Variants in CDH8 observed in about 807,000 individuals in gnomAD.
The protein encoded by CDH8 is cadherin-8.
In CDH8, 17 loss-of-function variants were observed where a neutral mutation model predicts 68.1. That is an observed-to-expected ratio of 0.25 (90% CI 0.17 to 0.37). The LOEUF (loss-of-function observed/expected upper bound fraction) is 0.37, where lower values mean the gene tolerates loss of function less well. CDH8 is among the 10% of genes least tolerant of loss of function. The pLI, the probability that CDH8 is intolerant of heterozygous loss-of-function variation, is 1.00. For missense variants in CDH8, 763 were observed against 999.3 expected, an observed-to-expected ratio of 0.76 and a Z score of 3.19; for synonymous variants, 372 against 365.1, an observed-to-expected ratio of 1.02 and a Z score of -0.21.
At position 61,857,149 on chromosome 16, in the gene CDH8, G is replaced by T; in HGVS notation, c.637C>A (p.Gln213Lys). 6.2e-7 allele frequency: 1 copy of T among 1,613,582 alleles called. No homozygotes were observed. The highest frequency in any genetic ancestry group is 8.5e-7 in the Non-Finnish European group (1 of 1,179,630). The change falls in exon 4 of 12, where the codon CAG (glutamine) becomes AAG (lysine). Residue 213 changes from glutamine to lysine, a missense_variant. This residue lies in a region of CDH8 where 366 missense variants were observed against 563.1 expected (regional missense o/e 0.65). Coordinates refer to ENST00000577390, the MANE Select transcript of CDH8 (RefSeq NM_001796.5). ...TCAGGCTCAATGGAAAAATAAGGCTGCCCTTCCAATATACTATAAACCAAC... is the reference window on the plus strand; with the variant it reads ...TCAGGCTCAATGGAAAAATAAGGCTTCCCTTCCAATATACTATAAACCAAC... ...AKLVYSILEG[Q>K]PYFSIEPETA...
At chr16:61,691,036 C>G (rs1173326152) in intron 10 of CDH8, among the ~76,000 whole-genome samples, 1 of 152,014 alleles carries the variant, frequency 6.6e-6, no homozygotes, top group Non-Finnish European at 1.5e-5. Context: ...GTATATCTGG[C>G]TGTCTAGCCA....
intron 8 of CDH8, among the ~76,000 whole-genome samples, chr16:61,751,007 G>A (rs1307089766): frequency 6.6e-6 from 1 of 151,944 alleles, no homozygotes; most frequent in Non-Finnish European, 1.5e-5. Context: ...GAATAACAAT[G>A]AGTACAGTTT....
chr16:61,885,680 C>T (rs781324593), intron 3 of CDH8, among the ~76,000 whole-genome samples: 1 of 143,004 alleles, frequency 7.0e-6, no homozygotes, highest in Non-Finnish European at 1.5e-5. Context: ...ATGGTAACAG[C>T]AGCTCTAATA....
chr16:61,763,917 C>A (rs1960527861), intron 8 of CDH8, among the ~76,000 whole-genome samples: 1 of 152,084 alleles, frequency 6.6e-6, no homozygotes, highest in Non-Finnish European at 1.5e-5. Flanking sequence ...GGCATACATT[C>A]ATTAATAATA....
intron 8 of CDH8, among the ~76,000 whole-genome samples, chr16:61,756,835 G>A (rs1465949567): frequency 6.6e-6 from 1 of 152,064 alleles, no homozygotes; most frequent in Non-Finnish European, 1.5e-5. Flanking sequence ...GATTCTCACT[G>A]TCCTAGAAGT....
rs377482212 is a variant in CDH8, at chr16:61,694,487, G to C, written c.1654+19354C>G. ...GGGGTGATGGAGTTTAGTCATATTG[G>C]GGGTGATGGGGTTTGGTCATATTAG... On this transcript the variant is annotated intron_variant, in intron 10 of 11. Coordinates refer to ENST00000577390, the MANE Select transcript of CDH8 (RefSeq NM_001796.5). 2.6e-3 allele frequency among the ~76,000 whole-genome samples: 396 copies of C among 152,198 alleles called. 4 individuals carry two copies. Among genetic ancestry groups the C allele is most frequent in the African/African-American group, 9.2e-3 (383 of 41,522 alleles).
At chr16:61,703,607 G>A (rs1350536705) in intron 10 of CDH8, among the ~76,000 whole-genome samples, 3 of 152,124 alleles carry the variant, frequency 2.0e-5, no homozygotes, top group Admixed American at 6.6e-5. Context: ...TTGGGAGGCC[G>A]AGGCGCATGG....
intron 3 of CDH8, among the ~76,000 whole-genome samples, chr16:61,881,173 T>G (rs2143128493): frequency 6.6e-6 from 1 of 152,298 alleles, no homozygotes; most frequent in Admixed American, 6.5e-5. Flanking sequence ...CCTACATAAC[T>G]ATGAGATAAT....
At chr16:61,958,229 C>T (rs1305207122) in intron 2 of CDH8, among the ~76,000 whole-genome samples, 1 of 152,052 alleles carries the variant, frequency 6.6e-6, no homozygotes, top group East Asian at 1.9e-4. Context: ...CCTAGGTGGA[C>T]CATCTGGGGT....
At chr16:61,968,169 T>A (rs1965284891) in intron 2 of CDH8, among the ~76,000 whole-genome samples, 1 of 152,182 alleles carries the variant, frequency 6.6e-6, no homozygotes, top group African/African-American at 2.4e-5. Flanking sequence ...GGAGGGTAGT[T>A]TTATGCAAAT....
intron 10 of CDH8, among the ~76,000 whole-genome samples, chr16:61,696,580 C>A (rs995889901): frequency 6.6e-6 from 1 of 152,128 alleles, no homozygotes; most frequent in Non-Finnish European, 1.5e-5. Flanking sequence ...AACAGAACTA[C>A]CATTTGACCC....
intron 8 of CDH8, among the ~76,000 whole-genome samples, chr16:61,728,160 G>A (rs1261288539): frequency 1.3e-5 from 2 of 150,822 alleles, no homozygotes; most frequent in African/African-American, 4.8e-5. Flanking sequence ...GGGAAAAAAT[G>A]TTTGGCTTTG....
intron 3 of CDH8, among the ~76,000 whole-genome samples, chr16:61,873,610 C>T (rs1044457989): frequency 2.6e-5 from 4 of 152,156 alleles, no homozygotes; most frequent in Non-Finnish European, 4.4e-5. Context: ...GGTGGGAAAG[C>T]GATCTGCAGT....
chr16:61,787,136 C>T (rs1324483139), intron 8 of CDH8, among the ~76,000 whole-genome samples: 2 of 151,642 alleles, frequency 1.3e-5, no homozygotes, highest in Admixed American at 6.6e-5. Context: ...AAGAAACTAC[C>T]ATCAGAGTGA....
chr16:61,744,876 T>A (rs151123135), intron 8 of CDH8, among the ~76,000 whole-genome samples: 6 of 151,576 alleles, frequency 4.0e-5, no homozygotes, highest in Non-Finnish European at 7.4e-5. Context: ...ATTTTTGTTA[T>A]GTATTTTAAT....
At chr16:61,959,209 C>G (rs1965036050) in intron 2 of CDH8, among the ~76,000 whole-genome samples, 1 of 152,138 alleles carries the variant, frequency 6.6e-6, no homozygotes, top group African/African-American at 2.4e-5. Flanking sequence ...AGGCCAGGCT[C>G]TACTATACTT....
At chr16:61,959,733 C>A (rs1266357589) in intron 2 of CDH8, among the ~76,000 whole-genome samples, 1 of 150,164 alleles carries the variant, frequency 6.7e-6, no homozygotes, top group Admixed American at 6.7e-5. Context: ...TATACACACA[C>A]ATATGTATGA....
At chr16:62,023,789 C>A (rs1902131417) in intron 1 of CDH8, among the ~76,000 whole-genome samples, 1 of 152,158 alleles carries the variant, frequency 6.6e-6, no homozygotes, top group Admixed American at 6.6e-5. Flanking sequence ...CATGGAGGCT[C>A]AGCCTAAACT....
At chr16:61,927,050 C>A (rs917117334) in intron 2 of CDH8, among the ~76,000 whole-genome samples, 1 of 152,028 alleles carries the variant, frequency 6.6e-6, no homozygotes, top group Non-Finnish European at 1.5e-5. Context: ...CTCCTTTTTT[C>A]ATTTTGCCTT....
Sources: allele counts gnomAD v4.1 joint callset (sites outside exome capture counted in the v4.1 genomes callset), GRCh38; gene constraint gnomAD v4.1.1; regional missense constraint gnomAD v4.1.1; transcripts MANE v1.5; gene names NCBI Gene and HGNC (gene_info 2026-07-23, HGNC 2026-07-21).